Variants in SRGAP3 observed in about 807,000 individuals in gnomAD.
The protein encoded by SRGAP3 is SLIT-ROBO Rho GTPase activating protein 3, also known as SLIT-ROBO Rho GTPase-activating protein 3.
SRGAP3 carries 39 observed loss-of-function variants against 121.1 expected under a neutral mutation model. That is an observed-to-expected ratio of 0.32 (90% confidence interval 0.25 to 0.42). The LOEUF (loss-of-function observed/expected upper bound fraction) is 0.42. SRGAP3 is among the 10% of genes least tolerant of loss of function. The pLI is 1.00. For missense variants in SRGAP3, 1,213 were observed against 1,470.6 expected (o/e 0.82, Z 2.86); for synonymous variants, 601 against 570.0 (o/e 1.05, Z -0.77).
intron 1 of SRGAP3, among the ~76,000 whole-genome samples, chr3:9,203,877 T>C (rs926288525): frequency 1.3e-5 from 2 of 152,182 alleles, no homozygotes; most frequent in Admixed American, 6.5e-5. Context: ...AACAACCTTG[T>C]AGAGTAGGCA....
At chr3:9,209,286 A>C (rs1263710902) in intron 1 of SRGAP3, among the ~76,000 whole-genome samples, 1 of 152,238 alleles carries the variant, frequency 6.6e-6, no homozygotes, top group Admixed American at 6.5e-5. Context: ...ATAAACTGAC[A>C]AATAAAAAAA....
chr3:9,307,492 C>T (rs1955178323), intron 3 of SRGAP3, among the ~76,000 whole-genome samples: 1 of 152,194 alleles, frequency 6.6e-6, no homozygotes, highest in Non-Finnish European at 1.5e-5. Flanking sequence ...ACCTACGACC[C>T]AGCTATACAG....
intron 3 of SRGAP3, chr3:9,081,107 C>G: frequency 3.0e-6 from 1 of 338,112 alleles, no homozygotes; most frequent in Non-Finnish European, 5.8e-6. Flanking sequence ...TCTTCCTTGA[C>G]TGAGAATCAG....
chr3:9,306,221 G>T (rs1363185872), intron 3 of SRGAP3, among the ~76,000 whole-genome samples: 1 of 152,210 alleles, frequency 6.6e-6, no homozygotes, highest in Non-Finnish European at 1.5e-5. Context: ...CTTTTGAGAA[G>T]CGTCTGTTCA....
chr3:9,103,354 TAGTC>T (rs1354430904), intron 3 of SRGAP3, among the ~76,000 whole-genome samples: 1 of 152,196 alleles, frequency 6.6e-6, no homozygotes, highest in East Asian at 1.9e-4. Flanking sequence ...CGCATAATAA[TAGTC>T]AGCTTTCATG....
chr3:9,315,418 C>A (rs1323886390), intron 3 of SRGAP3, among the ~76,000 whole-genome samples: 4 of 152,192 alleles, frequency 2.6e-5, no homozygotes, highest in Non-Finnish European at 5.9e-5. Context: ...ATTTGATTGG[C>A]CAGGTGAGGG....
rs369108456 is a variant in SRGAP3, at chr3:9,025,280, G to T, written c.1659C>A (p.Ile553=). The T allele has an allele frequency of 1.9e-6, 3 of 1,614,134 alleles. No homozygotes were observed. The highest frequency in any genetic ancestry group is 1.1e-5 in the South Asian group (1 of 91,078). The change falls in exon 14 of 22, where the codon ATC becomes ATA. Residue 553 remains isoleucine (I), a synonymous_variant. Coordinates refer to ENST00000383836, the MANE Select transcript of SRGAP3 (RefSeq NM_014850.4). ...VPGSQVEVND[I]KNSFERGEDP... is the part of the protein sequence containing the mutation. ...ACCCACCTCTCTCAAAGGAATTTTT[G>T]ATGTCATTGACTTCCACCTGAGATC...
chr3:9,134,465 C>G (rs151182394), intron 1 of SRGAP3, among the ~76,000 whole-genome samples: 187 of 152,246 alleles, frequency 1.2e-3, no homozygotes, highest in African/African-American at 4.2e-3. Context: ...CACATCTACG[C>G]ACAATCACAT....
chr3:9,098,406 G>A (rs989449439), intron 3 of SRGAP3, among the ~76,000 whole-genome samples: 1 of 152,142 alleles, frequency 6.6e-6, no homozygotes, highest in Non-Finnish European at 1.5e-5. Context: ...CGAGTAGCTG[G>A]GACCACAGGC....
chr3:9,228,897 C>T (rs1303825190), intron 1 of SRGAP3, among the ~76,000 whole-genome samples: 4 of 151,148 alleles, frequency 2.6e-5, no homozygotes, highest in African/African-American at 9.7e-5. Context: ...CCCGTCTCTA[C>T]TAAAAATACA....
chr3:9,086,699 T>C (rs2124825569), intron 3 of SRGAP3, among the ~76,000 whole-genome samples: 1 of 78,808 alleles, frequency 1.3e-5, no homozygotes, highest in East Asian at 3.7e-4. Context: ...TATACATATA[T>C]ACACACACAT....
At chr3:9,280,567 T>C (rs1559257693) in intron 3 of SRGAP3, among the ~76,000 whole-genome samples, 1 of 152,342 alleles carries the variant, frequency 6.6e-6, no homozygotes, top group East Asian at 1.9e-4. Context: ...CAACCAGCAA[T>C]GACAATCTGC....
chr3:9,309,417 A>AC, intron 3 of SRGAP3, among the ~76,000 whole-genome samples: 1 of 152,046 alleles, frequency 6.6e-6, no homozygotes, highest in Non-Finnish European at 1.5e-5. Context: ...TGACAATAAT[A>AC]CCCCTTCCTG....
chr3:9,348,614 A>C, intron 1 of SRGAP3: 1 of 970,378 alleles, frequency 1.0e-6, no homozygotes, highest in East Asian at 2.4e-5. Flanking sequence ...GCTTCACCTC[A>C]GTGCAGAAGA....
At chr3:9,358,973 TCA>T (rs1230559031) in intron 1 of SRGAP3, among the ~76,000 whole-genome samples, 1 of 152,102 alleles carries the variant, frequency 6.6e-6, no homozygotes, top group Non-Finnish European at 1.5e-5. Context: ...ACAGGGAGAA[TCA>T]CAGAGTGATT....
chr3:9,197,967 G>A (rs924437062), intron 1 of SRGAP3, among the ~76,000 whole-genome samples: 2 of 152,150 alleles, frequency 1.3e-5, no homozygotes, highest in African/African-American at 4.8e-5. Context: ...ATATTCCAGA[G>A]AATATTTGGG....
At chr3:9,272,584 T>G (rs1212696860) in intron 3 of SRGAP3, among the ~76,000 whole-genome samples, 1 of 152,244 alleles carries the variant, frequency 6.6e-6, no homozygotes, top group Non-Finnish European at 1.5e-5. Context: ...GGTCAGAGTT[T>G]CCTTCCTCTT....
In SRGAP3 at chr3:9,060,133, T is replaced by C. The variant is rs969755813; in HGVS notation, c.801+98A>G. 3.8e-6 allele frequency: 6 copies of C among 1,586,828 alleles called. No individual in the cohort carries two copies. In the African/African-American group the frequency reaches 6.7e-5, roughly 18 times the overall value. ...CAAAAGAGCTGTGGCTACCCGAGAA[T>C]GTCAGGTAAAGACAAAGACCAGCCC... On this transcript the variant is annotated intron_variant, in intron 6 of 21. Coordinates refer to ENST00000383836, the MANE Select transcript of SRGAP3 (RefSeq NM_014850.4).
chr3:9,117,754 C>G (rs1289818381), intron 2 of SRGAP3, among the ~76,000 whole-genome samples: 1 of 152,132 alleles, frequency 6.6e-6, no homozygotes, highest in East Asian at 1.9e-4. Flanking sequence ...AGAGGGTAAC[C>G]CCAGCATTTG....
Sources: allele counts gnomAD v4.1 joint callset (sites outside exome capture counted in the v4.1 genomes callset), GRCh38; gene constraint gnomAD v4.1.1; transcripts MANE v1.5; gene names NCBI Gene and HGNC (gene_info 2026-07-23, HGNC 2026-07-21).